CDH2: variants seen among roughly 807,000 people sequenced by gnomAD.
CDH2 encodes the protein cadherin-2.
Under a neutral mutation model 92.0 loss-of-function variants are expected in CDH2, and 17 were observed. That is an observed-to-expected ratio of 0.18 (90% confidence interval 0.13 to 0.28). The LOEUF (loss-of-function observed/expected upper bound fraction) is 0.28. Among genes scored for constraint, CDH2 ranks in the 10% least tolerant of loss-of-function variants. The probability of loss-of-function intolerance (pLI) is 1.00; values close to 1 mark genes in which losing one functional copy is unlikely to be tolerated. For missense variants in CDH2, 862 were observed against 1,133.1 expected (o/e 0.76, Z 3.44); for synonymous variants, 419 against 415.9 (o/e 1.01, Z -0.09).
At chr18:27,957,066 ATGT>A (rs1030074467) in intron 15 of CDH2, among the ~76,000 whole-genome samples, 2 of 151,720 alleles carry the variant, frequency 1.3e-5, no homozygotes, top group African/African-American at 4.8e-5. Flanking sequence ...GTGCACTTCT[ATGT>A]TGTTTATTCA....
At chr18:27,944,929 T>G (rs1909232685) in intron 6 of CDH2, among the ~76,000 whole-genome samples, 5 of 152,052 alleles carry the variant, frequency 3.3e-5, no homozygotes. Flanking sequence ...AAAACTGTAA[T>G]TCTCATGTAG....
intron 15 of CDH2, among the ~76,000 whole-genome samples, chr18:27,963,033 C>CTA (rs2011448250): frequency 6.6e-6 from 1 of 151,936 alleles, no homozygotes. Context: ...TTAGAATGCA[C>CTA]TATAATATTG....
chr18:28,127,900 G>A (rs2015704279), intron 2 of CDH2, among the ~76,000 whole-genome samples: 1 of 152,182 alleles, frequency 6.6e-6, no homozygotes, highest in Non-Finnish European at 1.5e-5. Flanking sequence ...GGCCAAGAAT[G>A]GCAGTGGTCA....
chr18:28,051,980 A>C (rs2014200838), intron 2 of CDH2, among the ~76,000 whole-genome samples: 1 of 152,194 alleles, frequency 6.6e-6, no homozygotes, highest in African/African-American at 2.4e-5. Context: ...CAGTTGCATA[A>C]GTACTTTACA....
At chr18:28,160,889 T>C (rs1357732813) in intron 1 of CDH2, among the ~76,000 whole-genome samples, 3 of 152,162 alleles carry the variant, frequency 2.0e-5, no homozygotes, top group Non-Finnish European at 4.4e-5. Flanking sequence ...CGGGTTTTCT[T>C]TCAGAAAGCT....
At chr18:28,112,154 T>C (rs1191129228) in intron 2 of CDH2, among the ~76,000 whole-genome samples, 1 of 152,204 alleles carries the variant, frequency 6.6e-6, no homozygotes, top group Non-Finnish European at 1.5e-5. Context: ...CATCAGCAGA[T>C]AGAGCATGAA....
intron 6 of CDH2, 84 bp downstream of exon 6, chr18:28,005,765 T>G (rs549861718): frequency 1.2e-6 from 1 of 854,770 alleles, no homozygotes; most frequent in Admixed American, 2.7e-5. Context: ...CCTCATATGA[T>G]TTCTCCATTT....
intron 2 of CDH2, among the ~76,000 whole-genome samples, chr18:28,147,177 T>C (rs539125362): frequency 2.0e-5 from 3 of 152,208 alleles, no homozygotes; most frequent in Admixed American, 2.0e-4. Flanking sequence ...AACAAAAATA[T>C]GAATTTCATA....
chr18:28,167,551 A>T (rs990642292), intron 1 of CDH2, among the ~76,000 whole-genome samples: 1 of 152,100 alleles, frequency 6.6e-6, no homozygotes, highest in Non-Finnish European at 1.5e-5. Context: ...ATGGTTTCAC[A>T]AAGTATAAAT....
At chr18:27,996,103 T>C (rs962883713) in intron 7 of CDH2, among the ~76,000 whole-genome samples, 1 of 152,080 alleles carries the variant, frequency 6.6e-6, no homozygotes, top group African/African-American at 2.4e-5. Flanking sequence ...TCCAAAATCA[T>C]CTGCTTGCTG....
Position 27,985,059 on chromosome 18 carries a change from C to A in CDH2, c.2150G>T (p.Gly717Val), listed in dbSNP as rs201543789. 3.1e-5 allele frequency: 50 copies of A among 1,614,056 alleles called. No individual in the cohort carries two copies. The highest frequency in any genetic ancestry group is 4.1e-5 in the Non-Finnish European group (48 of 1,180,036). The change falls in exon 13 of 16, where the codon GGT becomes GTT. Residue 717 changes from glycine to valine, a missense_variant. Physicochemically the swap from Gly to Val is moderately radical, Grantham distance 109. This residue lies in a region of CDH2 where 564 missense variants were observed against 722.2 expected (regional missense o/e 0.78). Transcript: ENST00000269141. ...GDCTDVDRIV[G>V]AGLGTGAIIA... Reference sequence around the variant, plus strand: ...GATGGCACCGGTGCCAAGCCCCGCACCCACAATCCTGTCCACATCTGTGCA... The same window carrying A: ...GATGGCACCGGTGCCAAGCCCCGCAACCACAATCCTGTCCACATCTGTGCA...
chr18:28,061,739 C>T (rs1405315380), intron 2 of CDH2, among the ~76,000 whole-genome samples: 1 of 152,180 alleles, frequency 6.6e-6, no homozygotes, highest in East Asian at 1.9e-4. Context: ...TTCAACATGG[C>T]TGGGGAGGAC....
intron 7 of CDH2, among the ~76,000 whole-genome samples, chr18:27,996,642 T>C (rs1046033284): frequency 2.0e-5 from 3 of 152,062 alleles, no homozygotes; most frequent in African/African-American, 7.3e-5. Context: ...TCACTGTGCA[T>C]GTGTGTGCAT....
chr18:27,978,308 G>T (rs920219739), intron 14 of CDH2, among the ~76,000 whole-genome samples: 2 of 152,266 alleles, frequency 1.3e-5, no homozygotes, highest in African/African-American at 4.8e-5. Context: ...CAAGACACTA[G>T]AAAGCTACAG....
intron 5 of CDH2, among the ~76,000 whole-genome samples, chr18:28,007,179 T>A (rs1371841941): frequency 8.4e-5 from 12 of 142,616 alleles, no homozygotes; most frequent in African/African-American, 3.1e-4. Context: ...TATATATATA[T>A]ATATATATAT....
chr18:28,170,529 T>G (rs1230511436), intron 1 of CDH2, among the ~76,000 whole-genome samples: 1 of 152,134 alleles, frequency 6.6e-6, no homozygotes, highest in Non-Finnish European at 1.5e-5. Context: ...GTATTTTTAG[T>G]AGAGACAGGG....
chr18:28,005,296 T>C (rs923734578), intron 6 of CDH2, among the ~76,000 whole-genome samples: 1 of 152,144 alleles, frequency 6.6e-6, no homozygotes, highest in South Asian at 2.1e-4. Context: ...GTTGAAGGGA[T>C]AGAACTGCAG....
At chr18:28,069,218 T>C (rs1300578381) in intron 2 of CDH2, among the ~76,000 whole-genome samples, 1 of 152,220 alleles carries the variant, frequency 6.6e-6, no homozygotes, top group Non-Finnish European at 1.5e-5. Context: ...TTTGGAAATG[T>C]GATCACACTA....
At chr18:27,936,639 C>T (rs1909026795) in intron 6 of CDH2, among the ~76,000 whole-genome samples, 1 of 152,166 alleles carries the variant, frequency 6.6e-6, no homozygotes, top group African/African-American at 2.4e-5. Context: ...AAGCCACTGT[C>T]CCACCTCAGC....
Sources: allele counts gnomAD v4.1 joint callset (sites outside exome capture counted in the v4.1 genomes callset), GRCh38; gene constraint gnomAD v4.1.1; regional missense constraint gnomAD v4.1.1; transcripts MANE v1.5; gene names NCBI Gene and HGNC (gene_info 2026-07-23, HGNC 2026-07-21).